NFAT5: variants seen among roughly 807,000 people sequenced by gnomAD.
The protein encoded by NFAT5 is nuclear factor of activated T-cells 5.
A neutral mutation model predicts 166.5 loss-of-function variants in NFAT5; 31 were observed. The observed-to-expected ratio is 0.19, with a 90% CI of 0.14 to 0.25. The LOEUF (loss-of-function observed/expected upper bound fraction) is 0.25, where lower values mean the gene tolerates loss of function less well. Among genes scored for constraint, NFAT5 ranks in the 10% least tolerant of loss-of-function variants. The pLI, the probability that NFAT5 is intolerant of heterozygous loss-of-function variation, is 1.00. For synonymous variants in NFAT5, 612 were observed against 639.7 expected, an observed-to-expected ratio of 0.96 and a Z score of 0.65; for missense variants, 1,449 against 1,821.8, an observed-to-expected ratio of 0.80 and a Z score of 3.72.
intron 3 of NFAT5, 49 bp from the exon 4 acceptor site, chr16:69,646,979 A>G (rs935660496): frequency 2.8e-6 from 4 of 1,414,130 alleles, no homozygotes; most frequent in African/African-American, 2.9e-5. Context: ...GCTAGCCAGC[A>G]TAGGTGAAAA....
chr16:69,599,218 A>G (rs1567530307), intron 2 of NFAT5, among the ~76,000 whole-genome samples: 3 of 101,978 alleles, frequency 2.9e-5, no homozygotes. Context: ...GGCCTATACT[A>G]AAAACACTGA....
At position 69,703,243 on chromosome 16, in the gene NFAT5, CCTTAA is replaced by C. The variant is rs1330211977; in HGVS notation, c.*6897_*6901del. ...GATGGCTGGCCAGGTCAACATGGCA[CCTTAA>C]CTTATTTTTTTAATAGGTAAAACTT... On this transcript the variant is annotated 3_prime_UTR_variant, in exon 15 of 15. Coordinates refer to ENST00000349945, the MANE Select transcript of NFAT5 (RefSeq NM_138713.4). 6.6e-6 allele frequency: 1 copy of C among 152,492 alleles called. No homozygotes were observed. The highest frequency in any genetic ancestry group is 1.5e-5 in the Non-Finnish European group (1 of 68,016). 9.4% of individuals were successfully genotyped at this position (152,492 alleles called of 1,614,324 possible).
chr16:69,587,570 G>T (rs916088690), intron 2 of NFAT5, among the ~76,000 whole-genome samples: 6 of 151,722 alleles, frequency 4.0e-5, no homozygotes, highest in Non-Finnish European at 1.5e-5. Flanking sequence ...TATATTTTTA[G>T]TAGAGATAGG....
At position 69,701,566 on chromosome 16, in the gene NFAT5, GA is replaced by G. The variant is rs2037899210; in HGVS notation, c.*5216del. The G allele has an allele frequency of 6.6e-6, 1 of 152,558 alleles. No individual in the cohort carries two copies. The highest frequency in any genetic ancestry group is 2.4e-5 in the African/African-American group (1 of 41,414). The allele number at this position is 152,558 out of a possible 1,614,324, so 9.5% of individuals were successfully genotyped here. A position where few individuals can be genotyped will look rare whatever the true frequency, so the allele number is the denominator to read the frequency against. Reference sequence around the variant, plus strand: ...ATTGTTTCTTTGGGAGAGGGTAAAAGATTACAGAATTAGACTGTTCAGCCTT... The same window carrying G: ...ATTGTTTCTTTGGGAGAGGGTAAAAGTTACAGAATTAGACTGTTCAGCCTT... On this transcript the variant is annotated 3_prime_UTR_variant, in exon 15 of 15. Transcript: ENST00000349945.
rs1401183451 is a variant in NFAT5, at chr16:69,670,130, G to A, written c.1504+19G>A. ...GTTTCTGGTAAGTACGCATATTTGT[G>A]GTACAGATATTTGTATGTTTTCACT... On this transcript the variant is annotated intron_variant, in intron 8 of 14. Coordinates refer to ENST00000349945, the MANE Select transcript of NFAT5 (RefSeq NM_138713.4). 24 of 1,603,826 alleles carry A rather than the reference G, an allele frequency of 1.5e-5. No individual in the cohort carries two copies. The highest frequency in any genetic ancestry group is 2.0e-5 in the Non-Finnish European group (24 of 1,176,756).
chr16:69,606,921 A>G (rs2033442299), intron 2 of NFAT5, among the ~76,000 whole-genome samples: 1 of 152,222 alleles, frequency 6.6e-6, no homozygotes, highest in African/African-American at 2.4e-5. Flanking sequence ...TGAAATGGGC[A>G]TGAGGTATTC....
chr16:69,677,378 T>TA, intron 10 of NFAT5, 43 bp downstream of exon 10: 1 of 1,491,448 alleles, frequency 6.7e-7, no homozygotes, highest in Non-Finnish European at 9.0e-7. Flanking sequence ...AAATAATTAA[T>TA]TTCCAGTTTT....
intron 2 of NFAT5, among the ~76,000 whole-genome samples, chr16:69,573,686 T>C (rs184415905): frequency 6.6e-6 from 1 of 152,284 alleles, no homozygotes; most frequent in East Asian, 1.9e-4. Context: ...TTTCACTCAA[T>C]ACTGGAATTC....
intron 2 of NFAT5, among the ~76,000 whole-genome samples, chr16:69,579,027 A>G (rs1168470729): frequency 1.3e-5 from 2 of 151,864 alleles, no homozygotes; most frequent in Admixed American, 1.3e-4. Flanking sequence ...GGCCTGCACC[A>G]CTACACCTGG....
intron 4 of NFAT5, among the ~76,000 whole-genome samples, chr16:69,652,306 G>C (rs1470118819): frequency 6.6e-6 from 1 of 151,988 alleles, no homozygotes; most frequent in African/African-American, 2.4e-5. Context: ...ATAAAAATTA[G>C]CTGGGCTTGG....
intron 4 of NFAT5, among the ~76,000 whole-genome samples, chr16:69,650,806 T>G (rs903926689): frequency 4.6e-5 from 7 of 152,232 alleles, no homozygotes; most frequent in African/African-American, 1.7e-4. Context: ...TTCATCTCTT[T>G]GTATGTATAT....
In NFAT5 at chr16:69,695,299, C is replaced by T. The variant is rs773164543; in HGVS notation, c.4578C>T (p.Asn1526=). 2 of 1,614,158 alleles carry T rather than the reference C, an allele frequency of 1.2e-6. No homozygotes were observed. Among genetic ancestry groups the T allele is most frequent in the Non-Finnish European group, 1.7e-6 (2 of 1,180,032 alleles). ...CACTGGCATCCTCTATAAACACCAACCAGAACATCGAAAAGATTGATTTGC... is the reference window on the plus strand; with the variant it reads ...CACTGGCATCCTCTATAAACACCAATCAGAACATCGAAAAGATTGATTTGC... ...NSPLASSINT[N]QNIEKIDLLV... is the part of the protein sequence containing the mutation. Residue 1526 remains asparagine, a synonymous_variant, in exon 14 of 15, where the codon AAC becomes AAT. Transcript: ENST00000349945.
At chr16:69,600,163 A>C (rs79697748) in intron 2 of NFAT5, among the ~76,000 whole-genome samples, 9 of 150,618 alleles carry the variant, frequency 6.0e-5, no homozygotes, top group South Asian at 2.1e-4. Flanking sequence ...AAAAAAAAAA[A>C]CAAGATATTT....
At chr16:69,626,669 C>A in intron 3 of NFAT5, 141 bp downstream of exon 3, 1 of 603,046 alleles carries the variant, frequency 1.7e-6, no homozygotes. Context: ...GTACTTTTAA[C>A]CTTAAACTTT....
intron 10 of NFAT5, among the ~76,000 whole-genome samples, chr16:69,684,255 CA>C (rs558716074): frequency 0.19 from 15,809 of 84,308 alleles, 1,253 homozygotes; most frequent in African/African-American, 0.3. Flanking sequence ...GAGACTGCCT[CA>C]AAAAAAAAAA....
intron 2 of NFAT5, among the ~76,000 whole-genome samples, chr16:69,596,794 CTGAG>C (rs2032821569): frequency 6.7e-6 from 1 of 149,252 alleles, no homozygotes; most frequent in East Asian, 2.0e-4. Context: ...AATTTATTTA[CTGAG>C]TATTTTCAGC....
At position 69,647,817 on chromosome 16, in the gene NFAT5, G is replaced by A. The variant is rs1474142561; in HGVS notation, c.812+231G>A. Among the ~76,000 whole-genome samples, 1 of 151,684 alleles carries A rather than the reference G, an allele frequency of 6.6e-6. No homozygotes were observed. The highest frequency in any genetic ancestry group is 2.4e-5 in the African/African-American group (1 of 41,274). Reference sequence around the variant, plus strand: ...GATATCTTATTATCAGTATAGTTAGGTAGTAGAAAATGAAAATAATCTGTT... The same window carrying A: ...GATATCTTATTATCAGTATAGTTAGATAGTAGAAAATGAAAATAATCTGTT... On this transcript the variant is annotated intron_variant, in intron 4 of 14. Coordinates refer to ENST00000349945, the MANE Select transcript of NFAT5 (RefSeq NM_138713.4). This position sits in a 1 kb window ranked among gnomAD's most constrained non-coding sequence, Gnocchi z 4.8.
At chr16:69,690,900 G>T in intron 11 of NFAT5, 40 bp from the exon 12 acceptor site, 1 of 1,424,408 alleles carries the variant, frequency 7.0e-7, no homozygotes, top group African/African-American at 1.5e-5. Context: ...GGTAAATTTT[G>T]TGATTTTAAA....
intron 2 of NFAT5, among the ~76,000 whole-genome samples, chr16:69,575,920 G>A (rs544334444): frequency 5.3e-5 from 8 of 152,152 alleles, no homozygotes; most frequent in Non-Finnish European, 1.2e-4. Flanking sequence ...TTTCCCAAGG[G>A]CACATATCTC....
Sources: allele counts gnomAD v4.1 joint callset (sites outside exome capture counted in the v4.1 genomes callset), GRCh38; gene constraint gnomAD v4.1.1; non-coding constraint Gnocchi (gnomAD v3.1); transcripts MANE v1.5; gene names NCBI Gene and HGNC (gene_info 2026-07-23, HGNC 2026-07-21).